ATRN: variants seen among roughly 807,000 people sequenced by gnomAD.
ATRN encodes the protein attractin.
In ATRN, 54 loss-of-function variants were observed where a neutral mutation model predicts 178.7. That is an observed-to-expected ratio of 0.30 (90% CI 0.24 to 0.38). The LOEUF (loss-of-function observed/expected upper bound fraction) is 0.38, where lower values mean the gene tolerates loss of function less well. Among genes scored for constraint, ATRN ranks in the 10% least tolerant of loss-of-function variants. ATRN has a pLI of 1.00. For synonymous variants in ATRN, 636 were observed against 663.0 expected, an observed-to-expected ratio of 0.96 and a Z score of 0.63; for missense variants, 1,443 against 1,815.1, an observed-to-expected ratio of 0.79 and a Z score of 3.73.
intron 24 of ATRN, among the ~76,000 whole-genome samples, chr20:3,623,641 T>G (rs745445597): frequency 7.2e-5 from 11 of 152,152 alleles, no homozygotes; most frequent in Non-Finnish European, 1.3e-4. Context: ...GTTTCGTTTA[T>G]AGTACCATTG....
chr20:3,481,231 T>G (rs2084615932), intron 1 of ATRN, among the ~76,000 whole-genome samples: 1 of 152,212 alleles, frequency 6.6e-6, no homozygotes, highest in Non-Finnish European at 1.5e-5. Context: ...CACTTTTCAT[T>G]TTCTTTATGT....
In ATRN at chr20:3,592,370, A is replaced by G. The variant is rs1600138688; in HGVS notation, c.3322+1064A>G. The G allele has an allele frequency of 2.2e-5, 18 of 833,716 alleles. No homozygotes were observed. The South Asian group carries it at 3.9e-4, about 18-fold the overall frequency. 51.6% of individuals were successfully genotyped at this position (833,716 alleles called of 1,614,324 possible). ...AGCTAAGATCACGCCACTGCACTCC[A>G]GCCTGGGCAACAGAGTGAGACTCAG... On this transcript the variant is annotated intron_variant, in intron 19 of 28. Transcript: ENST00000262919.
chr20:3,506,858 C>A (rs1288025678), intron 1 of ATRN, among the ~76,000 whole-genome samples: 1 of 151,692 alleles, frequency 6.6e-6, no homozygotes, highest in African/African-American at 2.4e-5. Flanking sequence ...TCAATAATTT[C>A]AGTAGAGAAA....
At chr20:3,487,357 C>T (rs528617565) in intron 1 of ATRN, among the ~76,000 whole-genome samples, 6 of 152,198 alleles carry the variant, frequency 3.9e-5, no homozygotes, top group Admixed American at 1.3e-4. Context: ...CTTAGCCTCG[C>T]GAGTAGCTGG....
chr20:3,585,445 T>A (rs2086344548), intron 18 of ATRN, among the ~76,000 whole-genome samples: 1 of 152,186 alleles, frequency 6.6e-6, no homozygotes, highest in Admixed American at 6.5e-5. Context: ...GAAGCCATTC[T>A]CAGAAAAGGA....
chr20:3,549,741 G>A (rs1452171349), intron 6 of ATRN, among the ~76,000 whole-genome samples: 10 of 152,116 alleles, frequency 6.6e-5, no homozygotes, highest in African/African-American at 2.2e-4. Context: ...TGCTAATCTC[G>A]TGCTGCTCAT....
At chr20:3,569,139 C>T (rs377241859) in intron 11 of ATRN, among the ~76,000 whole-genome samples, 5 of 152,088 alleles carry the variant, frequency 3.3e-5, no homozygotes, top group East Asian at 1.9e-4. Flanking sequence ...TTTATAAGTA[C>T]GTGAATTTGC....
chr20:3,547,210 T>G (rs2085716482), intron 4 of ATRN, 74 bp from the exon 5 acceptor site: 4 of 1,163,468 alleles, frequency 3.4e-6, no homozygotes, highest in East Asian at 2.4e-5. Context: ...CTTAAACTTG[T>G]GTGGGAGGAA....
At chr20:3,556,767 A>G (rs1483554363) in intron 6 of ATRN, among the ~76,000 whole-genome samples, 2 of 151,982 alleles carry the variant, frequency 1.3e-5, no homozygotes, top group Admixed American at 1.3e-4. Context: ...GTTTTATTGC[A>G]TCAGTATCGT....
intron 1 of ATRN, among the ~76,000 whole-genome samples, chr20:3,525,073 T>C (rs558761142): frequency 6.6e-6 from 1 of 152,058 alleles, no homozygotes; most frequent in Admixed American, 6.5e-5. Context: ...CTAAAGGAGA[T>C]AGAGACATGA....
intron 28 of ATRN, among the ~76,000 whole-genome samples, chr20:3,646,030 G>A (rs565444273): frequency 4.6e-5 from 7 of 152,250 alleles, no homozygotes; most frequent in Middle Eastern, 3.4e-3. Flanking sequence ...GGGTTGCTGC[G>A]CGCCAGATAC....
At chr20:3,577,556 G>C (rs1320811820) in intron 14 of ATRN, among the ~76,000 whole-genome samples, 1 of 152,160 alleles carries the variant, frequency 6.6e-6, no homozygotes, top group African/African-American at 2.4e-5. Flanking sequence ...GGACCAGGGT[G>C]GTCCAGAAAG....
intron 19 of ATRN, among the ~76,000 whole-genome samples, chr20:3,591,587 G>T (rs62206471): frequency 6.6e-6 from 1 of 152,284 alleles, no homozygotes; most frequent in Admixed American, 6.5e-5. Flanking sequence ...AACTTCCCCT[G>T]TTTCCTTTCC....
chr20:3,550,648 A>T (rs1329991451), intron 6 of ATRN, among the ~76,000 whole-genome samples: 1 of 152,200 alleles, frequency 6.6e-6, no homozygotes, highest in African/African-American at 2.4e-5. Context: ...ATCTTATTAC[A>T]GTTTTTAGGT....
intron 20 of ATRN, among the ~76,000 whole-genome samples, chr20:3,595,826 G>A (rs1008844902): frequency 6.6e-6 from 1 of 152,188 alleles, no homozygotes; most frequent in Non-Finnish European, 1.5e-5. Context: ...CATGAAGTGG[G>A]AGGCTGGGTT....
chr20:3,553,650 A>G (rs541209203), intron 6 of ATRN, among the ~76,000 whole-genome samples: 71 of 152,284 alleles, frequency 4.7e-4, no homozygotes, highest in African/African-American at 1.7e-3. Flanking sequence ...CATCATTCAC[A>G]GCACTCCTGC....
chr20:3,535,446 A>G (rs1208780117), intron 2 of ATRN, 110 bp downstream of exon 2: 2 of 433,866 alleles, frequency 4.6e-6, no homozygotes, highest in Non-Finnish European at 7.9e-6. Context: ...TTCTTAAAAC[A>G]TTACTTGATA....
intron 1 of ATRN, among the ~76,000 whole-genome samples, chr20:3,501,381 A>G (rs2084962337): frequency 6.6e-6 from 1 of 152,200 alleles, no homozygotes; most frequent in East Asian, 1.9e-4. Flanking sequence ...TTCTAATGCC[A>G]GACTCTGTTC....
chr20:3,565,796 C>CAA (rs10582104), intron 11 of ATRN, among the ~76,000 whole-genome samples: 3,620 of 99,952 alleles, frequency 0.036, 62 homozygotes, highest in Non-Finnish European at 0.045. Context: ...GACTCTGTCT[C>CAA]AAAAAAAAAA....
Sources: gnomAD v4.1 joint callset for allele counts (sites outside exome capture counted in the v4.1 genomes callset) on GRCh38, gnomAD v4.1.1 for gene constraint, MANE v1.5 for transcripts, NCBI Gene and HGNC (gene_info 2026-07-23, HGNC 2026-07-21) for gene names.